The following TRIM44 variants were observed in gnomAD, a reference collection of about 807,000 sequenced individuals.
TRIM44 encodes tripartite motif containing 44.
TRIM44 carries 13 observed loss-of-function variants against 37.4 expected under a neutral mutation model. The observed-to-expected ratio is 0.35, with a 90% confidence interval of 0.23 to 0.55. TRIM44 has a LOEUF of 0.55. TRIM44 is among the 20% of genes least tolerant of loss of function. The pLI is 0.89. For missense variants in TRIM44, 426 were observed against 437.2 expected (o/e 0.97, Z 0.23); for synonymous variants, 175 against 157.2 (o/e 1.11, Z -0.85).
At chr11:35,767,247 G>C (rs532193128) in intron 4 of TRIM44, among the ~76,000 whole-genome samples, 4 of 152,016 alleles carry the variant, frequency 2.6e-5, no homozygotes, top group African/African-American at 9.7e-5. Context: ...GGCTGTTATC[G>C]GGGTGCTTCT....
intron 4 of TRIM44, among the ~76,000 whole-genome samples, chr11:35,760,129 G>A (rs1852702531): frequency 6.6e-6 from 1 of 152,200 alleles, no homozygotes; most frequent in Admixed American, 6.5e-5. Context: ...CTTGAGCTGT[G>A]GTGGGCTCCA....
rs1202077146 is a variant in TRIM44 at position 35,663,361 on chromosome 11, A to G, written c.250A>G (p.Lys84Glu). ...GGCGGGGAAGGAAGAAGCGGAGGTC[A>G]AGGTGGAGCAGGAGAGGGAGATAGA... ...EGAGKEEAEV[K>E]VEQEREIESE... The change falls in exon 1 of 5, where the codon AAG becomes GAG. Residue 84 changes from lysine (K) to glutamate (E), a missense_variant. Lys to Glu is a moderately conservative substitution (Grantham distance 56, BLOSUM62 1). Transcript: ENST00000299413. 1 of 1,613,298 alleles carries G rather than the reference A, an allele frequency of 6.2e-7. No individual in the cohort carries two copies. Among genetic ancestry groups the G allele is most frequent in the African/African-American group, 1.3e-5 (1 of 74,892 alleles).
In TRIM44 at chr11:35,810,794, G is replaced by A. The variant is rs953203530; in HGVS notation, c.*4409G>A. ...ACAGGCCACACTGCATGAATGGGGAGAACCAATGAATCCATTGTCCTCTGC... is the reference window on the plus strand; with the variant it reads ...ACAGGCCACACTGCATGAATGGGGAAAACCAATGAATCCATTGTCCTCTGC... On this transcript the variant is annotated 3_prime_UTR_variant, in exon 5 of 5. Transcript: ENST00000299413. 2.6e-5 allele frequency: 4 copies of A among 152,256 alleles called. No homozygotes were observed. The highest frequency in any genetic ancestry group is 9.6e-5 in the African/African-American group (4 of 41,544). The allele number at this position is 152,256 out of a possible 1,614,324, so 9.4% of individuals were successfully genotyped here. A position where few individuals can be genotyped will look rare whatever the true frequency, so the allele number is the denominator to read the frequency against.
At chr11:35,691,039 C>T (rs1851631454) in intron 2 of TRIM44, among the ~76,000 whole-genome samples, 2 of 152,182 alleles carry the variant, frequency 1.3e-5, no homozygotes, top group Admixed American at 1.3e-4. Context: ...TTACTGGGAT[C>T]CTGTGCCATA....
At chr11:35,672,995 G>A (rs1383862878) in intron 1 of TRIM44, among the ~76,000 whole-genome samples, 1 of 152,180 alleles carries the variant, frequency 6.6e-6, no homozygotes, top group South Asian at 2.1e-4. Flanking sequence ...GAAAGTTTAT[G>A]TGAGGCCTGC....
At chr11:35,714,237 G>C (rs1590534824) in intron 2 of TRIM44, among the ~76,000 whole-genome samples, 2 of 152,158 alleles carry the variant, frequency 1.3e-5, no homozygotes, top group Non-Finnish European at 2.9e-5. Flanking sequence ...TCTCTAATGA[G>C]CAGAATGGTT....
intron 2 of TRIM44, among the ~76,000 whole-genome samples, chr11:35,705,097 G>C (rs918847795): frequency 6.7e-6 from 1 of 148,382 alleles, no homozygotes; most frequent in Middle Eastern, 3.4e-3. Context: ...ACAAAAAAAG[G>C]CAGGGGTTGC....
intron 2 of TRIM44, among the ~76,000 whole-genome samples, chr11:35,693,534 C>G (rs1452475227): frequency 6.6e-6 from 1 of 151,754 alleles, no homozygotes; most frequent in Non-Finnish European, 1.5e-5. Context: ...ATCTATGTTT[C>G]TTTAAAGTCT....
At chr11:35,685,816 A>C (rs1355426452) in intron 2 of TRIM44, among the ~76,000 whole-genome samples, 1 of 152,112 alleles carries the variant, frequency 6.6e-6, no homozygotes, top group East Asian at 1.9e-4. Flanking sequence ...GGCCTGCGCC[A>C]CCATGCCCTG....
intron 1 of TRIM44, among the ~76,000 whole-genome samples, chr11:35,673,520 T>G (rs1216045262): frequency 1.3e-5 from 2 of 152,212 alleles, no homozygotes; most frequent in Non-Finnish European, 2.9e-5. Context: ...TATTTTACAT[T>G]AGTTAGATTT....
intron 4 of TRIM44, among the ~76,000 whole-genome samples, chr11:35,753,622 G>C (rs2133854569): frequency 6.6e-6 from 1 of 152,186 alleles, no homozygotes; most frequent in Non-Finnish European, 1.5e-5. Flanking sequence ...ATATTGTTTT[G>C]TTTTCAGAAC....
At chr11:35,728,480 C>T (rs1446878107) in intron 3 of TRIM44, among the ~76,000 whole-genome samples, 1 of 152,192 alleles carries the variant, frequency 6.6e-6, no homozygotes. Flanking sequence ...CAAGAGCTGA[C>T]AAGGCTTAAG....
At chr11:35,668,888 C>T (rs59039966) in intron 1 of TRIM44, among the ~76,000 whole-genome samples, 123 of 152,170 alleles carry the variant, frequency 8.1e-4, no homozygotes, top group African/African-American at 2.9e-3. Context: ...TGTAAATTTT[C>T]AAATGTGCTA....
chr11:35,663,505 G>A lies in TRIM44; in HGVS notation c.394G>A (p.Glu132Lys), dbSNP rs758621865. ...DEESEEDSEE[E>K]MEDEQESEAE... Reference sequence around the variant, plus strand: ...GGAGAGTGAAGAAGACAGCGAGGAAGAAATGGAGGATGAGCAAGAAAGCGA... The same window carrying A: ...GGAGAGTGAAGAAGACAGCGAGGAAAAAATGGAGGATGAGCAAGAAAGCGA... The change falls in exon 1 of 5, where the codon GAA becomes AAA. Residue 132 changes from glutamate (E) to lysine (K), a missense_variant. Glu to Lys is a moderately conservative substitution (Grantham distance 56, BLOSUM62 1). Coordinates refer to ENST00000299413, the MANE Select transcript of TRIM44 (RefSeq NM_017583.6). 2 of 1,588,952 alleles carry A rather than the reference G, an allele frequency of 1.3e-6. No homozygotes were observed. The highest frequency in any genetic ancestry group is 1.7e-6 in the Non-Finnish European group (2 of 1,166,956).
At chr11:35,671,825 G>A (rs1851396503) in intron 1 of TRIM44, among the ~76,000 whole-genome samples, 1 of 152,160 alleles carries the variant, frequency 6.6e-6, no homozygotes, top group African/African-American at 2.4e-5. Flanking sequence ...TTGGTCTGTG[G>A]CATTTGGTCT....
intron 2 of TRIM44, among the ~76,000 whole-genome samples, chr11:35,705,024 G>C (rs367600479): frequency 6.8e-6 from 1 of 148,058 alleles, no homozygotes; most frequent in South Asian, 2.2e-4. Context: ...CCCATCTCAC[G>C]TGCAGAGACA....
chr11:35,697,887 T>C (rs1851726327), intron 2 of TRIM44, among the ~76,000 whole-genome samples: 1 of 152,098 alleles, frequency 6.6e-6, no homozygotes, highest in African/African-American at 2.4e-5. Flanking sequence ...AAGTCTTTGC[T>C]ATTGTGAATA....
chr11:35,740,096 TAAAA>T (rs1258985035), intron 4 of TRIM44, among the ~76,000 whole-genome samples: 2 of 64,556 alleles, frequency 3.1e-5, no homozygotes, highest in African/African-American at 1.4e-4. Flanking sequence ...AGACTCTGTC[TAAAA>T]AAAAAAAAAA....
chr11:35,763,628 C>G (rs112762686), intron 4 of TRIM44, among the ~76,000 whole-genome samples: 127 of 152,308 alleles, frequency 8.3e-4, no homozygotes, highest in African/African-American at 2.9e-3. Flanking sequence ...ACTCCAAGGT[C>G]TTTGTTCTGG....
Sources: gnomAD v4.1 joint callset for allele counts (sites outside exome capture counted in the v4.1 genomes callset) on GRCh38, gnomAD v4.1.1 for gene constraint, MANE v1.5 for transcripts, NCBI Gene and HGNC (gene_info 2026-07-23, HGNC 2026-07-21) for gene names.